The following RNGTT variants were observed in gnomAD, a reference collection of about 807,000 sequenced individuals.
RNGTT encodes RNA guanylyltransferase and 5'-phosphatase, also known as mRNA-capping enzyme.
A neutral mutation model predicts 79.3 loss-of-function variants in RNGTT; 33 were observed. The observed-to-expected ratio is 0.42, with a 90% CI of 0.32 to 0.56. The LOEUF (loss-of-function observed/expected upper bound fraction) is 0.56, where lower values mean the gene tolerates loss of function less well. Ranked by LOEUF, RNGTT falls within the 20% of genes least tolerant of loss-of-function variation. The pLI, the probability that RNGTT is intolerant of heterozygous loss-of-function variation, is 0.17. For missense variants in RNGTT, 497 were observed against 739.1 expected (o/e 0.67, Z 3.80); for synonymous variants, 222 against 235.9 (o/e 0.94, Z 0.54).
chr6:88,915,315 T>A (rs2127947737), intron 4 of RNGTT, among the ~76,000 whole-genome samples: 1 of 152,302 alleles, frequency 6.6e-6, no homozygotes, highest in African/African-American at 2.4e-5. Flanking sequence ...ATACCCGCAC[T>A]TGTATGTTTA....
intron 14 of RNGTT, among the ~76,000 whole-genome samples, chr6:88,670,192 G>A (rs943066285): frequency 2.4e-4 from 36 of 152,314 alleles, no homozygotes; most frequent in South Asian, 8.3e-4. Flanking sequence ...GACAAAGCTA[G>A]CACATATGCC....
chr6:88,697,413 T>C (rs113669659), intron 13 of RNGTT, among the ~76,000 whole-genome samples: 5 of 152,024 alleles, frequency 3.3e-5, no homozygotes, highest in East Asian at 1.9e-4. Context: ...TAGCCAGGCG[T>C]GGTGGCGGGC....
chr6:88,803,916 T>C (rs1779874683), intron 11 of RNGTT, among the ~76,000 whole-genome samples: 1 of 152,202 alleles, frequency 6.6e-6, no homozygotes, highest in Non-Finnish European at 1.5e-5. Flanking sequence ...TCTACTCTTT[T>C]TATAAATCAG....
chr6:88,869,803 T>C (rs1782296529), intron 8 of RNGTT, among the ~76,000 whole-genome samples: 1 of 152,110 alleles, frequency 6.6e-6, no homozygotes, highest in South Asian at 2.1e-4. Flanking sequence ...GGCCACATCA[T>C]AGAGCAGTCT....
At chr6:88,829,626 G>T (rs1037253538) in intron 11 of RNGTT, among the ~76,000 whole-genome samples, 27 of 146,378 alleles carry the variant, frequency 1.8e-4, no homozygotes, top group Non-Finnish European at 3.6e-4. Flanking sequence ...GTATTCAGGA[G>T]ACCCAGCTCC....
intron 6 of RNGTT, among the ~76,000 whole-genome samples, chr6:88,900,019 G>A (rs1783392923): frequency 6.6e-6 from 1 of 151,978 alleles, no homozygotes; most frequent in African/African-American, 2.4e-5. Context: ...CTAATTCTCT[G>A]TAGAAGCAAA....
At chr6:88,949,166 A>AAT (rs1785152474) in intron 1 of RNGTT, among the ~76,000 whole-genome samples, 1 of 144,780 alleles carries the variant, frequency 6.9e-6, no homozygotes, top group African/African-American at 2.5e-5. Context: ...AATGAAAAAA[A>AAT]AAAAAAAAAA....
chr6:88,653,458 A>T (rs1773868544), intron 14 of RNGTT, among the ~76,000 whole-genome samples: 1 of 152,148 alleles, frequency 6.6e-6, no homozygotes, highest in African/African-American at 2.4e-5. Context: ...ATTGAAAAAC[A>T]ATTTGAGGGC....
intron 4 of RNGTT, among the ~76,000 whole-genome samples, chr6:88,924,504 T>G (rs1784258070): frequency 6.6e-6 from 1 of 152,210 alleles, no homozygotes; most frequent in Non-Finnish European, 1.5e-5. Context: ...TCAAAATCTT[T>G]TTTTGAGACA....
chr6:88,647,715 A>AAAAAAAAAG (rs531898293), intron 14 of RNGTT, among the ~76,000 whole-genome samples: 3 of 142,490 alleles, frequency 2.1e-5, no homozygotes, highest in African/African-American at 9.1e-5. Flanking sequence ...AAAAAAAAAA[A>AAAAAAAAAG]AAGAAGAAGA....
intron 6 of RNGTT, among the ~76,000 whole-genome samples, chr6:88,903,931 G>A (rs1783557845): frequency 6.6e-6 from 1 of 152,096 alleles, no homozygotes; most frequent in Admixed American, 6.5e-5. Context: ...CATATTTATG[G>A]TTAGCTCTTT....
intron 13 of RNGTT, among the ~76,000 whole-genome samples, chr6:88,698,261 ATATATATG>A (rs1775808284): frequency 8.4e-6 from 1 of 119,692 alleles, no homozygotes; most frequent in South Asian, 2.4e-4. Context: ...ATATATATAA[ATATATATG>A]ATATATATAT....
In RNGTT at chr6:88,611,389, C is replaced by T. The variant is rs1290405972; in HGVS notation, c.*1330G>A. On this transcript the variant is annotated 3_prime_UTR_variant, in exon 16 of 16. Coordinates refer to ENST00000369485, the MANE Select transcript of RNGTT (RefSeq NM_003800.5). ...TATGCATTTACATATACAATTCAGA[C>T]CATGAAAATTTGTTTTAAATACATT... 2 of 152,364 alleles carry T rather than the reference C, an allele frequency of 1.3e-5. No individual in the cohort carries two copies. Among genetic ancestry groups the T allele is most frequent in the African/African-American group, 4.8e-5 (2 of 41,242 alleles). The allele number at this position is 152,364 out of a possible 1,614,324, so 9.4% of individuals were successfully genotyped here.
chr6:88,887,274 G>A (rs544874685), intron 8 of RNGTT, among the ~76,000 whole-genome samples: 2 of 152,004 alleles, frequency 1.3e-5, no homozygotes, highest in Non-Finnish European at 2.9e-5. Context: ...ATCCTACACT[G>A]TATCCTGACA....
At chr6:88,651,553 CAAAT>C (rs895628333) in intron 14 of RNGTT, among the ~76,000 whole-genome samples, 4 of 151,830 alleles carry the variant, frequency 2.6e-5, no homozygotes, top group African/African-American at 7.2e-5. Context: ...TGGCTTTAAA[CAAAT>C]AAATTATCCT....
chr6:88,756,630 A>T (rs1171415245), intron 13 of RNGTT, among the ~76,000 whole-genome samples: 2 of 152,268 alleles, frequency 1.3e-5, no homozygotes, highest in Non-Finnish European at 2.9e-5. Context: ...GTACACACTT[A>T]GAAAGTAAAG....
At chr6:88,871,978 AT>A (rs1167824844) in intron 8 of RNGTT, among the ~76,000 whole-genome samples, 1 of 151,734 alleles carries the variant, frequency 6.6e-6, no homozygotes, top group South Asian at 2.1e-4. Flanking sequence ...AAAGAATTCC[AT>A]TTTTTTTCTT....
intron 8 of RNGTT, among the ~76,000 whole-genome samples, chr6:88,887,730 T>C (rs1426523871): frequency 2.0e-5 from 3 of 151,886 alleles, no homozygotes; most frequent in South Asian, 2.1e-4. Flanking sequence ...TCAACAAAAG[T>C]TGGATGGCAG....
chr6:88,784,041 A>C (rs1165317338), intron 12 of RNGTT, among the ~76,000 whole-genome samples: 1 of 152,228 alleles, frequency 6.6e-6, no homozygotes, highest in Non-Finnish European at 1.5e-5. Flanking sequence ...ATTTAATGAA[A>C]GATGAAGTTC....
Sources: gnomAD v4.1 joint callset for allele counts (sites outside exome capture counted in the v4.1 genomes callset) on GRCh38, gnomAD v4.1.1 for gene constraint, MANE v1.5 for transcripts, NCBI Gene and HGNC (gene_info 2026-07-23, HGNC 2026-07-21) for gene names.